The following CDH18 variants were observed in gnomAD, a reference collection of about 807,000 sequenced individuals.
CDH18 encodes the protein cadherin-18.
In CDH18, 31 loss-of-function variants were observed where a neutral mutation model predicts 67.9. The ratio of observed to expected loss-of-function variants is 0.46; its 90% CI spans 0.34 to 0.62. The LOEUF (loss-of-function observed/expected upper bound fraction) is 0.62. Among genes scored for constraint, CDH18 ranks in the 20% least tolerant of loss-of-function variants. The pLI is 0.01. For synonymous variants in CDH18, 362 were observed against 347.2 expected, an observed-to-expected ratio of 1.04 and a Z score of -0.48; for missense variants, 890 against 975.5, an observed-to-expected ratio of 0.91 and a Z score of 1.17.
At chr5:19,934,969 G>A (rs894288635) in intron 2 of CDH18, among the ~76,000 whole-genome samples, 1 of 151,220 alleles carries the variant, frequency 6.6e-6, no homozygotes, top group Non-Finnish European at 1.5e-5. Context: ...ATGTCCTTAT[G>A]TATAAGGAGG....
At chr5:20,256,547 G>C (rs889187078) in intron 1 of CDH18, among the ~76,000 whole-genome samples, 1 of 151,972 alleles carries the variant, frequency 6.6e-6, no homozygotes, top group Non-Finnish European at 1.5e-5. Context: ...CATAACAAAA[G>C]AGACAAAAGA....
At chr5:20,165,947 C>T (rs1239474850) in intron 2 of CDH18, among the ~76,000 whole-genome samples, 1 of 152,008 alleles carries the variant, frequency 6.6e-6, no homozygotes. Context: ...AAACTGTGTC[C>T]ATTTTTTTCT....
chr5:20,297,775 C>A (rs2149959079), intron 1 of CDH18, among the ~76,000 whole-genome samples: 1 of 152,154 alleles, frequency 6.6e-6, no homozygotes, highest in African/African-American at 2.4e-5. Flanking sequence ...TAGTGTGATC[C>A]AAATGAACCC....
At chr5:19,990,911 G>A (rs905381121), upstream of CDH18, among the ~76,000 whole-genome samples, 2 of 152,158 alleles carry the variant, frequency 1.3e-5, no homozygotes, top group Non-Finnish European at 2.9e-5. Flanking sequence ...AGTGGACAGT[G>A]TATCAATCAC....
intron 10 of CDH18, among the ~76,000 whole-genome samples, chr5:19,518,584 C>T (rs115274295): frequency 0.014 from 2,077 of 152,196 alleles, 24 homozygotes; most frequent in South Asian, 0.031. Flanking sequence ...CTGAGTCTTC[C>T]GGCCCTCGTC....
intron 3 of CDH18, among the ~76,000 whole-genome samples, chr5:19,783,652 C>T (rs963729111): frequency 6.6e-6 from 1 of 152,146 alleles, no homozygotes; most frequent in African/African-American, 2.4e-5. Context: ...TACCCTCTTC[C>T]CTCCCTACAT....
intron 2 of CDH18, among the ~76,000 whole-genome samples, chr5:19,918,865 G>T (rs1792122695): frequency 6.6e-6 from 1 of 151,722 alleles, no homozygotes; most frequent in Non-Finnish European, 1.5e-5. Flanking sequence ...TAATTTATAA[G>T]AAACCTCTTT....
chr5:19,706,932 C>T (rs114708173), intron 5 of CDH18, among the ~76,000 whole-genome samples: 219 of 152,278 alleles, frequency 1.4e-3, no homozygotes, highest in Non-Finnish European at 2.7e-3. Flanking sequence ...AGGCCAGATG[C>T]TATCAGCAGC....
intron 4 of CDH18, among the ~76,000 whole-genome samples, chr5:19,746,451 G>C (rs1770010062): frequency 6.6e-6 from 1 of 152,130 alleles, no homozygotes; most frequent in Non-Finnish European, 1.5e-5. Flanking sequence ...TAAATGCTTA[G>C]GAATATCTGA....
At chr5:19,940,160 G>A (rs553838491) in intron 2 of CDH18, among the ~76,000 whole-genome samples, 2 of 151,538 alleles carry the variant, frequency 1.3e-5, no homozygotes, top group Non-Finnish European at 2.9e-5. Context: ...CAGAGGCTTA[G>A]CATATTTAAC....
chr5:20,334,802 T>C (rs1054517025), intron 1 of CDH18, among the ~76,000 whole-genome samples: 2 of 144,932 alleles, frequency 1.4e-5, no homozygotes, highest in African/African-American at 2.7e-5. Context: ...AAATGGCTTC[T>C]CCACCTCAAT....
intron 2 of CDH18, among the ~76,000 whole-genome samples, chr5:20,045,239 T>G (rs974407477): frequency 8.5e-5 from 13 of 152,180 alleles, no homozygotes; most frequent in Non-Finnish European, 1.6e-4. Context: ...AATGGAATCA[T>G]AATGTGTATT....
chr5:19,560,170 T>A (rs1280933901), intron 8 of CDH18, among the ~76,000 whole-genome samples: 4 of 151,734 alleles, frequency 2.6e-5, no homozygotes, highest in Non-Finnish European at 5.9e-5. Flanking sequence ...AATCCTAAAA[T>A]TCATATGGAA....
intron 2 of CDH18, among the ~76,000 whole-genome samples, chr5:19,969,347 T>C (rs1248596012): frequency 3.4e-5 from 5 of 146,968 alleles, no homozygotes; most frequent in Non-Finnish European, 2.9e-5. Flanking sequence ...TTACTGGTTA[T>C]ATACCCAAAG....
At chr5:19,666,197 C>A (rs1757896523) in intron 5 of CDH18, among the ~76,000 whole-genome samples, 1 of 150,646 alleles carries the variant, frequency 6.6e-6, no homozygotes, top group Non-Finnish European at 1.5e-5. Flanking sequence ...AGCCTCCTGA[C>A]TGGCTGAAAC....
intron 1 of CDH18, among the ~76,000 whole-genome samples, chr5:20,525,140 C>A (rs2457039): frequency 6.6e-6 from 1 of 151,654 alleles, no homozygotes; most frequent in Non-Finnish European, 1.5e-5. Context: ...TTTAACTCTG[C>A]AGTTTAACTT....
intron 6 of CDH18, among the ~76,000 whole-genome samples, chr5:19,598,244 C>T (rs1746485225): frequency 6.6e-6 from 1 of 151,984 alleles, no homozygotes; most frequent in African/African-American, 2.4e-5. Flanking sequence ...ATTTCTATTC[C>T]TTATATACAC....
At chr5:19,666,278 TATTA>T in intron 5 of CDH18, among the ~76,000 whole-genome samples, 1 of 145,370 alleles carries the variant, frequency 6.9e-6, no homozygotes. Flanking sequence ...TTATTATTAT[TATTA>T]TTTTCTCTAG....
intron 1 of CDH18, among the ~76,000 whole-genome samples, chr5:20,278,699 C>A (rs1408367029): frequency 6.6e-6 from 1 of 151,894 alleles, no homozygotes; most frequent in Non-Finnish European, 1.5e-5. Context: ...AACTACAATA[C>A]AAAGAACGAA....
Sources: allele counts gnomAD v4.1 joint callset (sites outside exome capture counted in the v4.1 genomes callset), GRCh38; gene constraint gnomAD v4.1.1; transcripts MANE v1.5; gene names NCBI Gene and HGNC (gene_info 2026-07-23, HGNC 2026-07-21).